The following NDUFB6 variants were observed in gnomAD, a reference collection of about 807,000 sequenced individuals.
NDUFB6 encodes the protein NADH dehydrogenase [ubiquinone] 1 beta subcomplex subunit 6.
In NDUFB6, 23 loss-of-function variants were observed where a neutral mutation model predicts 17.5. The observed-to-expected ratio is 1.31, with a 90% CI of 0.94 to 1.86. NDUFB6 has a LOEUF of 1.86. NDUFB6 is among the 40% of genes most tolerant of loss of function. The pLI is 0.00. For synonymous variants in NDUFB6, 60 were observed against 53.5 expected (o/e 1.12, Z -0.53); for missense variants, 167 against 153.8 (o/e 1.09, Z -0.46).
intron 3 of NDUFB6, among the ~76,000 whole-genome samples, chr9:32,555,049 G>A (rs1457160409): frequency 6.6e-6 from 1 of 151,348 alleles, no homozygotes; most frequent in Non-Finnish European, 1.5e-5. Flanking sequence ...AAATGGAGAG[G>A]ACGAGAGAAC....
At chr9:32,566,471 C>T (rs1417044519) in intron 2 of NDUFB6, 7 of 800,010 alleles carry the variant, frequency 8.7e-6, no homozygotes, top group Admixed American at 3.4e-5. Flanking sequence ...CCGTCCATGT[C>T]GAAGGGACCC....
intron 2 of NDUFB6, among the ~76,000 whole-genome samples, chr9:32,561,619 A>G (rs10813836): frequency 0.66 from 100,799 of 151,962 alleles, 33,754 homozygotes; most frequent in Middle Eastern, 0.71. Context: ...ATGAGCCACC[A>G]CACCCAGTCT....
intron 2 of NDUFB6, chr9:32,568,133 C>T: frequency 1.8e-5 from 3 of 167,810 alleles, no homozygotes. Context: ...ATTTACTATC[C>T]TATATGCCAT....
intron 3 of NDUFB6, among the ~76,000 whole-genome samples, chr9:32,558,694 T>C (rs1821541049): frequency 6.6e-6 from 1 of 152,192 alleles, no homozygotes; most frequent in South Asian, 2.1e-4. Flanking sequence ...TGAAAATAAA[T>C]GTGCTCACTT....
At chr9:32,556,528 T>G (rs1821459659) in intron 3 of NDUFB6, among the ~76,000 whole-genome samples, 2 of 152,204 alleles carry the variant, frequency 1.3e-5, no homozygotes, top group African/African-American at 4.8e-5. Flanking sequence ...TGTCCTATTC[T>G]AAACATATAT....
At chr9:32,569,467 C>T (rs1821893066) in intron 2 of NDUFB6, among the ~76,000 whole-genome samples, 1 of 152,184 alleles carries the variant, frequency 6.6e-6, no homozygotes, top group African/African-American at 2.4e-5. Context: ...ATCCACCCGC[C>T]TCAACCTCCC....
chr9:32,561,594 G>A (rs1268631899), intron 2 of NDUFB6, among the ~76,000 whole-genome samples: 1 of 152,090 alleles, frequency 6.6e-6, no homozygotes, highest in Non-Finnish European at 1.5e-5. Context: ...CTCCCAAAGT[G>A]CCAGGATTAC....
At chr9:32,569,485 T>A (rs1236524856) in intron 2 of NDUFB6, among the ~76,000 whole-genome samples, 2 of 152,202 alleles carry the variant, frequency 1.3e-5, no homozygotes, top group Non-Finnish European at 2.9e-5. Flanking sequence ...CCCAAAGTGC[T>A]GGGATTACAG....
In NDUFB6 at chr9:32,558,909, C is replaced by T; in HGVS notation, c.318+1G>A. On this transcript the variant is annotated splice_donor_variant, in intron 3 of 3. Transcript: ENST00000379847. LOFTEE classifies it high-confidence loss of function. ...GAAAAATCAGAAGTGTTAAGACTTA[C>T]AGGGAATATTCTGGACTTCTTTTCA... 1.3e-6 allele frequency: 2 copies of T among 1,571,664 alleles called. No homozygotes were observed. Among genetic ancestry groups the T allele is most frequent in the Non-Finnish European group, 1.7e-6 (2 of 1,146,052 alleles).
At position 32,570,989 on chromosome 9, in the gene NDUFB6, T is replaced by C; in HGVS notation, c.244A>G (p.Ile82Val). 6.3e-7 allele frequency: 1 copy of C among 1,599,620 alleles called. No individual in the cohort carries two copies. The highest frequency in any genetic ancestry group is 1.1e-5 in the South Asian group (1 of 89,454). ...FTHVLVPVWIIHYYMKYHVSE... is the reference protein window; with the variant it reads ...FTHVLVPVWIVHYYMKYHVSE... ...ACATGATACTTCATGTAATAATGAA[T>C]AATCCAGACAGGTACAAGTACATGA... is the stretch of plus-strand genomic sequence containing the variant. Residue 82 changes from isoleucine to valine, a missense_variant, in exon 2 of 4, where the codon ATT (isoleucine) becomes GTT (valine). Transcript: ENST00000379847.
intron 2 of NDUFB6, among the ~76,000 whole-genome samples, chr9:32,560,778 A>G (rs1234894362): frequency 1.3e-5 from 2 of 152,230 alleles, no homozygotes; most frequent in African/African-American, 4.8e-5. Context: ...AATTAATCCA[A>G]AGATAGTAAA....
intron 2 of NDUFB6, among the ~76,000 whole-genome samples, chr9:32,560,493 T>C (rs1399592629): frequency 1.3e-5 from 2 of 152,214 alleles, no homozygotes; most frequent in Admixed American, 6.5e-5. Context: ...TCTGAAAACA[T>C]TGCTACATTC....
At chr9:32,567,364 T>A (rs1299606495) in intron 2 of NDUFB6, 1 of 467,912 alleles carries the variant, frequency 2.1e-6, no homozygotes, top group African/African-American at 2.0e-5. Context: ...TCAGATGGAG[T>A]CTCGCTCTGT....
chr9:32,561,307 G>C (rs1317590772), intron 2 of NDUFB6, among the ~76,000 whole-genome samples: 1 of 151,520 alleles, frequency 6.6e-6, no homozygotes, highest in African/African-American at 2.4e-5. Flanking sequence ...GGCAGCACAC[G>C]CTCCTAAAAA....
At chr9:32,569,275 G>A (rs1414674672) in intron 2 of NDUFB6, among the ~76,000 whole-genome samples, 1 of 152,100 alleles carries the variant, frequency 6.6e-6, no homozygotes, top group East Asian at 1.9e-4. Flanking sequence ...CTGGAGTGCA[G>A]TGGCACGATC....
chr9:32,573,040 A>C lies in NDUFB6; in HGVS notation c.21T>G (p.Asp7Glu). 6.3e-7 allele frequency: 1 copy of C among 1,593,060 alleles called. No individual in the cohort carries two copies. Among genetic ancestry groups the C allele is most frequent in the Non-Finnish European group, 8.6e-7 (1 of 1,169,142 alleles). Residue 7 changes from aspartate to glutamate, a missense_variant, in exon 1 of 4, where the codon GAT becomes GAG. Physicochemically the swap from Asp to Glu is conservative, Grantham distance 45 (BLOSUM62 2). Coordinates refer to ENST00000379847, the MANE Select transcript of NDUFB6 (RefSeq NM_002493.5). MTGYTP[D>E]EKLRLQQLRE... ...GCAGCTGCTGCAGCCGCAGTTTCTCATCCGGAGTGTACCCCGTCATGTCGC... is the reference window on the plus strand; with the variant it reads ...GCAGCTGCTGCAGCCGCAGTTTCTCCTCCGGAGTGTACCCCGTCATGTCGC...
intron 2 of NDUFB6, 56 bp downstream of exon 2, chr9:32,570,904 C>A: frequency 7.9e-7 from 1 of 1,262,504 alleles, no homozygotes. Context: ...AAGATAGCCA[C>A]AAAGAAAGTA....
At chr9:32,567,691 TTAC>T in intron 2 of NDUFB6, 1 of 342,656 alleles carries the variant, frequency 2.9e-6, no homozygotes, top group Non-Finnish European at 6.0e-6. Flanking sequence ...ATTTTTGATG[TTAC>T]TACTACAAAT....
At chr9:32,555,625 A>C (rs1466112900) in intron 3 of NDUFB6, among the ~76,000 whole-genome samples, 1 of 152,246 alleles carries the variant, frequency 6.6e-6, no homozygotes, top group Non-Finnish European at 1.5e-5. Context: ...TGGACAAACC[A>C]AACATATAGT....
Sources: gnomAD v4.1 joint callset for allele counts (sites outside exome capture counted in the v4.1 genomes callset) on GRCh38, gnomAD v4.1.1 for gene constraint, MANE v1.5 for transcripts, NCBI Gene and HGNC (gene_info 2026-07-23, HGNC 2026-07-21) for gene names.